Variants in OIP5 observed in about 807,000 individuals in gnomAD.
OIP5 encodes Opa interacting protein 5.
In OIP5, 24 loss-of-function variants were observed where a neutral mutation model predicts 20.3. The ratio of observed to expected loss-of-function variants is 1.18; its 90% CI spans 0.86 to 1.66. OIP5 has a LOEUF of 1.66. OIP5 is among the 40% of genes most tolerant of loss of function. OIP5 has a pLI of 0.00. For synonymous variants in OIP5, 143 were observed against 121.3 expected (o/e 1.18, Z -1.17); for missense variants, 339 against 289.5 (o/e 1.17, Z -1.24).
At chr15:41,320,084 C>A (rs1021024061) in intron 2 of OIP5, among the ~76,000 whole-genome samples, 21 of 152,128 alleles carry the variant, frequency 1.4e-4, no homozygotes, top group Non-Finnish European at 1.0e-4. Flanking sequence ...ATCTGATTAA[C>A]ATTTAAACAT....
Position 41,323,508 on chromosome 15 carries a change from T to C in OIP5, c.390-3728A>G, listed in dbSNP as rs2047842725. Reference sequence around the variant, plus strand: ...TGTCCTTTGAAGCTTTTTTTTCTTTTTCTTTTGGATGGAGTGCAGTGGTAC... The same window carrying C: ...TGTCCTTTGAAGCTTTTTTTTCTTTCTCTTTTGGATGGAGTGCAGTGGTAC... On this transcript the variant is annotated intron_variant, in intron 2 of 4. Coordinates refer to ENST00000220514, the MANE Select transcript of OIP5 (RefSeq NM_007280.2). 2.0e-5 allele frequency among the ~76,000 whole-genome samples: 3 copies of C among 152,280 alleles called. No homozygotes were observed. The South Asian group carries it at 6.2e-4, about 32-fold the overall frequency.
intron 2 of OIP5, among the ~76,000 whole-genome samples, chr15:41,326,616 G>A (rs1217057637): frequency 6.6e-6 from 1 of 152,162 alleles, no homozygotes; most frequent in South Asian, 2.1e-4. Context: ...ACTAGACACG[G>A]GGTTTCCCCG....
chr15:41,330,144 G>A (rs976149096), intron 2 of OIP5, among the ~76,000 whole-genome samples: 2 of 151,938 alleles, frequency 1.3e-5, no homozygotes, highest in African/African-American at 4.8e-5. Flanking sequence ...AGGCTGGAGT[G>A]CAATGGCGTG....
intron 2 of OIP5, among the ~76,000 whole-genome samples, chr15:41,331,162 T>C (rs1024971830): frequency 2.0e-5 from 3 of 152,200 alleles, no homozygotes; most frequent in African/African-American, 4.8e-5. Context: ...ATTGTCTCAA[T>C]GTTAAAGCCA....
At position 41,332,311 on chromosome 15, in the gene OIP5, T is replaced by TGACACTGTGCGCACTGGAACACAGCGC. The variant is rs1159772161; in HGVS notation, c.224_250dup (p.Cys83_His84insArgAlaValPheGlnCysAlaGlnCys). 1 of 1,605,348 alleles carries TGACACTGTGCGCACTGGAACACAGCGC rather than the reference T, an allele frequency of 6.2e-7. No homozygotes were observed. Among genetic ancestry groups the TGACACTGTGCGCACTGGAACACAGCGC allele is most frequent in the Non-Finnish European group, 8.5e-7 (1 of 1,176,092 alleles). ...GTGCACCGAGTCGGCGAGCACTGCG[T>TGACACTGTGCGCACTGGAACACAGCGC]GACACTGTGCGCACTGGAACACAGC... On this transcript the variant is annotated inframe_insertion, in exon 1 of 5. Coordinates refer to ENST00000220514, the MANE Select transcript of OIP5 (RefSeq NM_007280.2).
At chr15:41,319,602 G>C in intron 3 of OIP5, 56 bp downstream of exon 3, 1 of 1,534,872 alleles carries the variant, frequency 6.5e-7, no homozygotes, top group South Asian at 1.2e-5. Flanking sequence ...GATGGACTTT[G>C]TCTCAAAATA....
At chr15:41,326,772 A>C (rs959403621) in intron 2 of OIP5, among the ~76,000 whole-genome samples, 1 of 152,030 alleles carries the variant, frequency 6.6e-6, no homozygotes, top group Non-Finnish European at 1.5e-5. Context: ...GTCTCTAACC[A>C]TCCGTGCTGA....
intron 3 of OIP5, among the ~76,000 whole-genome samples, chr15:41,316,714 C>T (rs113810348): frequency 0.012 from 1,659 of 140,918 alleles, 37 homozygotes; most frequent in African/African-American, 0.042. Flanking sequence ...GGTGTGAACC[C>T]AGGGGGTGAA....
chr15:41,328,462 A>G (rs2047876456), intron 2 of OIP5, among the ~76,000 whole-genome samples: 1 of 152,238 alleles, frequency 6.6e-6, no homozygotes, highest in Non-Finnish European at 1.5e-5. Context: ...CACTTATAAT[A>G]CAAACAAAAT....
Position 41,332,523 on chromosome 15 carries a change from T to G in OIP5, c.39A>C (p.Ala13=). 6.2e-7 allele frequency: 1 copy of G among 1,612,582 alleles called. No individual in the cohort carries two copies. The highest frequency in any genetic ancestry group is 8.5e-7 in the Non-Finnish European group (1 of 1,179,444). The change falls in exon 1 of 5, where the codon GCA becomes GCC. Residue 13 remains alanine (A), a synonymous_variant. Coordinates refer to ENST00000220514, the MANE Select transcript of OIP5 (RefSeq NM_007280.2). ...AQPLRHRSRC[A]TPPRGDFCGG... is the part of the protein sequence containing the mutation. The stretch of plus-strand genomic sequence containing the variant: ...CACAAAAGTCCCCCCGGGGCGGCGT[T>G]GCACAACGTGAGCGATGCCGCAGCG...
chr15:41,329,063 CAAAAAAAA>C (rs1166517767), intron 2 of OIP5, among the ~76,000 whole-genome samples: 77 of 50,354 alleles, frequency 1.5e-3, no homozygotes, highest in Admixed American at 2.1e-3. Context: ...GACTCCATCT[CAAAAAAAA>C]AAAAAAAAAA....
At position 41,332,236 on chromosome 15, in the gene OIP5, T is replaced by G; in HGVS notation, c.322+4A>C. On this transcript the variant is annotated splice_donor_region_variant and intron_variant, in intron 1 of 4. Transcript: ENST00000220514. ...GCCTTTCCCGAACGCTTCACTGCAC[T>G]CACTGGAGAAGACCACGGCCCCGAG... The G allele has an allele frequency of 1.3e-6, 2 of 1,536,820 alleles. No homozygotes were observed. The highest frequency in any genetic ancestry group is 1.7e-6 in the Non-Finnish European group (2 of 1,144,334).
intron 2 of OIP5, among the ~76,000 whole-genome samples, chr15:41,324,593 A>T (rs1014058382): frequency 5.9e-5 from 9 of 151,416 alleles, no homozygotes; most frequent in African/African-American, 2.2e-4. Context: ...GGGTTCAAGC[A>T]ATTCTCCTGC....
intron 3 of OIP5, among the ~76,000 whole-genome samples, chr15:41,318,857 G>A (rs2047804495): frequency 6.6e-6 from 1 of 150,954 alleles, no homozygotes. Context: ...GCCACATCCA[G>A]CTAATTTTTT....
At chr15:41,315,865 G>C (rs1422652689) in intron 3 of OIP5, among the ~76,000 whole-genome samples, 1 of 151,980 alleles carries the variant, frequency 6.6e-6, no homozygotes, top group African/African-American at 2.4e-5. Flanking sequence ...TCTAGAAATT[G>C]GTGGCGCAGT....
At chr15:41,319,875 C>A in intron 2 of OIP5, 95 bp from the exon 3 acceptor site, 1 of 1,008,128 alleles carries the variant, frequency 9.9e-7, no homozygotes. Flanking sequence ...ACACCTAAGT[C>A]AGGGTGAAAA....
intron 3 of OIP5, among the ~76,000 whole-genome samples, chr15:41,314,095 T>C (rs764834926): frequency 2.0e-5 from 3 of 152,124 alleles, no homozygotes; most frequent in Non-Finnish European, 4.4e-5. Context: ...CTATTCCCAG[T>C]AGCTGTTCCT....
chr15:41,320,959 C>T (rs1160075922), intron 2 of OIP5, among the ~76,000 whole-genome samples: 4 of 150,964 alleles, frequency 2.6e-5, no homozygotes, highest in African/African-American at 7.3e-5. Context: ...GTGAGGAGCG[C>T]CTCTGCCCGG....
In OIP5 at chr15:41,332,372, G is replaced by T. The variant is rs762498306; in HGVS notation, c.190C>A (p.Pro64Thr). 3 of 1,612,440 alleles carry T rather than the reference G, an allele frequency of 1.9e-6. No homozygotes were observed. The highest frequency in any genetic ancestry group is 2.5e-6 in the Non-Finnish European group (3 of 1,179,236). ...GLGAEEPAAG[P>T]QLPSWLQPER... ...GGCTGCAGCCAAGACGGCAGCTGCG[G>T]GCCGGCGGCTGGCTCCTCAGCCCCC... is the stretch of plus-strand genomic sequence containing the variant. The change falls in exon 1 of 5, where the codon CCG becomes ACG. Residue 64 changes from proline (P) to threonine (T), a missense_variant. Transcript: ENST00000220514.
Sources: allele counts gnomAD v4.1 joint callset (sites outside exome capture counted in the v4.1 genomes callset), GRCh38; gene constraint gnomAD v4.1.1; transcripts MANE v1.5; gene names NCBI Gene and HGNC (gene_info 2026-07-23, HGNC 2026-07-21).